The following PSMA1 variants were observed in gnomAD, a reference collection of about 807,000 sequenced individuals.
PSMA1 encodes proteasome 20S subunit alpha 1.
A neutral mutation model predicts 38.4 loss-of-function variants in PSMA1; 3 were observed. The ratio of observed to expected loss-of-function variants is 0.08; its 90% CI spans 0.04 to 0.20. PSMA1 has a LOEUF of 0.20. PSMA1 is among the 10% of genes least tolerant of loss of function. The pLI is 1.00. For synonymous variants in PSMA1, 101 were observed against 107.1 expected, an observed-to-expected ratio of 0.94 and a Z score of 0.35; for missense variants, 227 against 325.3, an observed-to-expected ratio of 0.70 and a Z score of 2.32.
chr11:14,575,879 A>C (rs1385399565), intron 2 of PSMA1, among the ~76,000 whole-genome samples: 3 of 152,212 alleles, frequency 2.0e-5, no homozygotes, highest in Non-Finnish European at 4.4e-5. Flanking sequence ...CCCACCAGCA[A>C]TGTAAAAGTG....
rs772564096 is a variant in PSMA1 at position 14,558,128 on chromosome 11, T to C, written c.22-39087A>G. Among the ~76,000 whole-genome samples, 31 of 151,358 alleles carry C rather than the reference T, an allele frequency of 2.0e-4. 1 individual carries two copies. The highest frequency in any genetic ancestry group is 3.4e-3 in the Middle Eastern group (1 of 294). ...AGGATAATCATATTAAAAGTCACAA[T>C]CTACCTTGGCATGGTGGCTCACGGC... On this transcript the variant is annotated intron_variant, in intron 2 of 10. Transcript: ENST00000418988.
At chr11:14,556,118 C>T (rs1851938820) in intron 2 of PSMA1, among the ~76,000 whole-genome samples, 1 of 152,168 alleles carries the variant, frequency 6.6e-6, no homozygotes. Flanking sequence ...TGTTGGATCT[C>T]CTGTTTCCTT....
At chr11:14,616,352 CCT>C (rs1240646718) in intron 1 of PSMA1, among the ~76,000 whole-genome samples, 1 of 151,392 alleles carries the variant, frequency 6.6e-6, no homozygotes, top group African/African-American at 2.4e-5. Flanking sequence ...TGTGCCTCAG[CCT>C]CTGAGTAGCT....
At chr11:14,554,334 C>G (rs1851919472) in intron 2 of PSMA1, among the ~76,000 whole-genome samples, 1 of 152,058 alleles carries the variant, frequency 6.6e-6, no homozygotes, top group Non-Finnish European at 1.5e-5. Context: ...TCTAATTTAT[C>G]AATTTTTCTC....
rs201665923 is a variant in PSMA1, at chr11:14,534,185, AATACATAC to A, written c.22-15152_22-15145del. Among the ~76,000 whole-genome samples the A allele has an allele frequency of 1.7e-4, 26 of 152,236 alleles. 1 individual carries two copies. The highest frequency in any genetic ancestry group is 6.0e-4 in the African/African-American group (25 of 41,542). ...AACAAGAGCAAAACTCTGCCTCAAA[AATACATAC>A]ATACATACATACATAAATAAAATAA... On this transcript the variant is annotated intron_variant, in intron 2 of 10. Coordinates refer to the PSMA1 transcript ENST00000418988. This position sits in a 1 kb window ranked among gnomAD's most constrained non-coding sequence, Gnocchi z 4.5.
At position 14,608,036 on chromosome 11, in the gene PSMA1, G is replaced by A. The variant is rs556582863; in HGVS notation, c.21+2930C>T. Among the ~76,000 whole-genome samples the A allele has an allele frequency of 2.0e-5, 3 of 152,228 alleles. No individual in the cohort carries two copies. In the East Asian group the frequency reaches 5.8e-4, roughly 29 times the overall value. On this transcript the variant is annotated intron_variant, in intron 2 of 10. Coordinates refer to the PSMA1 transcript ENST00000418988. ...AGTTCTACAATGGCACTGAATGACA[G>A]CATAAAAATACCCCAATAATAGTGT...
intron 2 of PSMA1, among the ~76,000 whole-genome samples, chr11:14,549,749 C>T (rs1851866819): frequency 1.3e-5 from 2 of 151,000 alleles, no homozygotes; most frequent in Admixed American, 1.3e-4. Context: ...TACAACGTGG[C>T]AATAGTAGGC....
chr11:14,526,390 T>A (rs1008560179), intron 2 of PSMA1, among the ~76,000 whole-genome samples: 4 of 152,158 alleles, frequency 2.6e-5, no homozygotes, highest in Non-Finnish European at 5.9e-5. Flanking sequence ...CAGTCAGAAT[T>A]CTTACACAAG....
At chr11:14,641,171 G>A (rs1280063224) in intron 1 of PSMA1, among the ~76,000 whole-genome samples, 2 of 150,362 alleles carry the variant, frequency 1.3e-5, no homozygotes, top group Admixed American at 6.6e-5. Context: ...AGAACTTAAA[G>A]TATAATAATA....
rs570396117 is a variant in PSMA1 at position 14,559,466 on chromosome 11, G to A, written c.22-40425C>T. The stretch of plus-strand genomic sequence containing the variant: ...CCGGAACTTAGTTCACAATGGGTGC[G>A]GGCAGATAAGTGACAGCTAGTGGGA... On this transcript the variant is annotated intron_variant, in intron 2 of 10. Coordinates refer to the PSMA1 transcript ENST00000418988. Among the ~76,000 whole-genome samples the A allele has an allele frequency of 1.1e-4, 17 of 152,298 alleles. No homozygotes were observed. In the South Asian group the frequency reaches 1.9e-3, roughly 17 times the overall value.
intron 1 of PSMA1, among the ~76,000 whole-genome samples, chr11:14,633,776 T>A (rs932256667): frequency 6.6e-6 from 1 of 152,164 alleles, no homozygotes; most frequent in African/African-American, 2.4e-5. Context: ...ACTGCTGTGC[T>A]AGCAATCAGT....
intron 1 of PSMA1, among the ~76,000 whole-genome samples, chr11:14,624,614 G>A (rs545977873): frequency 3.3e-5 from 5 of 152,244 alleles, no homozygotes; most frequent in Non-Finnish European, 7.4e-5. Flanking sequence ...ATACTGCCAG[G>A]GCAGTTTGGA....
Position 14,592,394 on chromosome 11 carries a change from A to ATT in PSMA1, c.21+18570_21+18571dup, listed in dbSNP as rs757886405. Among the ~76,000 whole-genome samples the ATT allele has an allele frequency of 4.2e-3, 585 of 138,106 alleles. 2 individuals are homozygous for ATT. The highest frequency in any genetic ancestry group is 0.014 in the South Asian group (60 of 4,400). The allele number at this position is 138,106 out of a possible 152,430, so 90.6% of individuals were successfully genotyped here. A position where few individuals can be genotyped will look rare whatever the true frequency, so the allele number is the denominator to read the frequency against. On this transcript the variant is annotated intron_variant, in intron 2 of 10. Transcript: ENST00000418988. ...TCTCTCTCTATATATATATATATATATTTTTTTTTTAGATGGAGTCTCGCT... is the reference window on the plus strand; with the variant it reads ...TCTCTCTCTATATATATATATATATATTTTTTTTTTTTAGATGGAGTCTCGCT...
intron 4 of PSMA1, among the ~76,000 whole-genome samples, chr11:14,515,054 T>A (rs747336675): frequency 1.3e-5 from 2 of 152,172 alleles, no homozygotes; most frequent in African/African-American, 2.4e-5. Context: ...AAGGTTAACA[T>A]TGGGGAGAAG....
At chr11:14,593,613 T>TGAGA (rs59225796) in intron 2 of PSMA1, among the ~76,000 whole-genome samples, 3,521 of 98,840 alleles carry the variant, frequency 0.036, 129 homozygotes, top group Non-Finnish European at 0.049. Flanking sequence ...GGAGGAAAAA[T>TGAGA]GAGAGAGAGA....
chr11:14,632,699 T>C (rs1853040021), intron 1 of PSMA1, among the ~76,000 whole-genome samples: 2 of 145,534 alleles, frequency 1.4e-5, no homozygotes, highest in South Asian at 4.5e-4. Context: ...ATTTCCTGAA[T>C]CTGAACGTTG....
intron 2 of PSMA1, among the ~76,000 whole-genome samples, chr11:14,582,666 C>T (rs1054743533): frequency 5.9e-5 from 9 of 151,350 alleles, no homozygotes; most frequent in African/African-American, 1.2e-4. Context: ...TACAGGCACA[C>T]GCCAACAGGC....
intron 2 of PSMA1, among the ~76,000 whole-genome samples, chr11:14,599,484 A>C (rs1852551682): frequency 2.0e-5 from 3 of 151,884 alleles, no homozygotes; most frequent in Non-Finnish European, 4.4e-5. Context: ...TTATTTCATT[A>C]ATTTGATCTT....
intron 1 of PSMA1, among the ~76,000 whole-genome samples, chr11:14,629,181 A>C (rs1282448588): frequency 6.6e-6 from 1 of 151,958 alleles, no homozygotes; most frequent in East Asian, 1.9e-4. Flanking sequence ...ATTAGATCCC[A>C]TTTGTCAATT....
Sources: gnomAD v4.1 joint callset for allele counts (sites outside exome capture counted in the v4.1 genomes callset) on GRCh38, gnomAD v4.1.1 for gene constraint, Gnocchi (gnomAD v3.1) non-coding constraint, MANE v1.5 for transcripts, NCBI Gene and HGNC (gene_info 2026-07-23, HGNC 2026-07-21) for gene names.